SHANK2: variants seen among roughly 807,000 people sequenced by gnomAD.
SHANK2 encodes SH3 and multiple ankyrin repeat domains protein 2.
SHANK2 carries 43 observed loss-of-function variants against 133.7 expected under a neutral mutation model. The observed-to-expected ratio is 0.32, with a 90% CI of 0.25 to 0.41. The LOEUF is 0.41. Among genes scored for constraint, SHANK2 ranks in the 10% least tolerant of loss-of-function variants. SHANK2 has a pLI of 1.00. For missense variants in SHANK2, 1,994 were observed against 2,235.8 expected, an observed-to-expected ratio of 0.89 and a Z score of 2.18; for synonymous variants, 1,017 against 952.8, an observed-to-expected ratio of 1.07 and a Z score of -1.24.
At chr11:70,877,730 A>G (rs1226728195) in intron 11 of SHANK2, among the ~76,000 whole-genome samples, 1 of 152,186 alleles carries the variant, frequency 6.6e-6, no homozygotes, top group African/African-American at 2.4e-5. Flanking sequence ...CAGAGCAACA[A>G]GGAGTAAGAA....
rs375503151 is a variant in SHANK2 at position 70,726,848 on chromosome 11, C to T, written c.1778-28085G>A. The stretch of plus-strand genomic sequence containing the variant: ...CTCCAAAAGGCCTCATGTGCTTCTG[C>T]TCACCCCTGGAAGGCTGTACAGCTG... On this transcript the variant is annotated intron_variant, in intron 14 of 25. Coordinates refer to ENST00000601538, the MANE Select transcript of SHANK2 (RefSeq NM_012309.5). Among the ~76,000 whole-genome samples the T allele has an allele frequency of 1.4e-4, 22 of 152,350 alleles. No individual in the cohort carries two copies. In the East Asian group the frequency reaches 3.3e-3, roughly 23 times the overall value.
At chr11:70,788,058 G>A (rs1947708018) in intron 14 of SHANK2, among the ~76,000 whole-genome samples, 1 of 152,214 alleles carries the variant, frequency 6.6e-6, no homozygotes, top group Non-Finnish European at 1.5e-5. Flanking sequence ...AACGTTACAT[G>A]GCCTGCAGGA....
intron 17 of SHANK2, among the ~76,000 whole-genome samples, chr11:70,645,175 C>T (rs1565209252): frequency 6.6e-6 from 1 of 152,202 alleles, no homozygotes; most frequent in Non-Finnish European, 1.5e-5. Flanking sequence ...CACGCCACTG[C>T]ACTCCAGCCT....
intron 10 of SHANK2, among the ~76,000 whole-genome samples, chr11:70,933,833 T>C (rs1461382286): frequency 1.3e-5 from 2 of 150,112 alleles, no homozygotes; most frequent in Admixed American, 6.6e-5. Context: ...GGCAGGAGAA[T>C]TGGTTGCAGT....
At chr11:71,237,231 G>A (rs1459478997) in intron 1 of SHANK2, among the ~76,000 whole-genome samples, 3 of 152,226 alleles carry the variant, frequency 2.0e-5, no homozygotes, top group Non-Finnish European at 4.4e-5. Flanking sequence ...ACTGAGTCCA[G>A]GGACTGAGCC....
chr11:71,117,713 G>A (rs1443681997), intron 4 of SHANK2, among the ~76,000 whole-genome samples: 1 of 152,174 alleles, frequency 6.6e-6, no homozygotes, highest in Non-Finnish European at 1.5e-5. Flanking sequence ...GGTGGTGCAC[G>A]CCCAACTCCA....
At chr11:70,687,590 G>C (rs1274988460) in intron 15 of SHANK2, among the ~76,000 whole-genome samples, 3 of 151,926 alleles carry the variant, frequency 2.0e-5, no homozygotes, top group South Asian at 2.1e-4. Flanking sequence ...GGTACAGTGT[G>C]GGGGTAGGGG....
At chr11:70,764,108 ACC>A in intron 14 of SHANK2, among the ~76,000 whole-genome samples, 1 of 107,586 alleles carries the variant, frequency 9.3e-6, no homozygotes, top group Middle Eastern at 4.0e-3. Flanking sequence ...CCACCCACCC[ACC>A]CACCCACCCA....
At chr11:70,599,901 GAAAGAGAAAGAAAGAAAGAA>G (rs782312244) in intron 17 of SHANK2, among the ~76,000 whole-genome samples, 12 of 80,140 alleles carry the variant, frequency 1.5e-4, no homozygotes, top group African/African-American at 4.6e-4. Flanking sequence ...AAGAAAGAAA[GAAAGAGAAAGAAAGAAAGAA>G]AGAAAGAAAG....
intron 8 of SHANK2, among the ~76,000 whole-genome samples, chr11:71,090,653 GTGTGTGTC>G (rs1297142840): frequency 6.6e-6 from 1 of 151,656 alleles, no homozygotes; most frequent in Non-Finnish European, 1.5e-5. Context: ...GTGTGTGTGT[GTGTGTGTC>G]TGTGTACATA....
Position 70,479,687 on chromosome 11 carries a change from T to A in SHANK2, c.4979+5627A>T, listed in dbSNP as rs1429328790. On this transcript the variant is annotated intron_variant, in intron 25 of 25. Coordinates refer to ENST00000601538, the MANE Select transcript of SHANK2 (RefSeq NM_012309.5). The surrounding 1 kb of genome is among the most constrained non-coding windows in gnomAD (Gnocchi z 4.4). Reference sequence around the variant, plus strand: ...ATGGGGGACCCCCACAAGCACACACTCACTGCTCTGTTGCCCCCACATACA... The same window carrying A: ...ATGGGGGACCCCCACAAGCACACACACACTGCTCTGTTGCCCCCACATACA... Among the ~76,000 whole-genome samples the A allele has an allele frequency of 2.6e-5, 4 of 152,216 alleles. No individual in the cohort carries two copies. Among genetic ancestry groups the A allele is most frequent in the Non-Finnish European group, 5.9e-5 (4 of 68,032 alleles).
chr11:70,747,778 G>C (rs1946671251), intron 14 of SHANK2, among the ~76,000 whole-genome samples: 2 of 152,202 alleles, frequency 1.3e-5, no homozygotes, highest in South Asian at 4.1e-4. Flanking sequence ...TATGCCACAT[G>C]GTACATGTAT....
chr11:70,690,976 T>G (rs1481543899), intron 15 of SHANK2, among the ~76,000 whole-genome samples: 1 of 152,138 alleles, frequency 6.6e-6, no homozygotes, highest in Non-Finnish European at 1.5e-5. Flanking sequence ...TTTAAAAACT[T>G]TTTTTTCTGC....
chr11:70,638,822 C>T (rs1262077849), intron 17 of SHANK2, among the ~76,000 whole-genome samples: 2 of 151,890 alleles, frequency 1.3e-5, no homozygotes, highest in African/African-American at 4.8e-5. Context: ...CATGGTGAAA[C>T]CCCGTCTCTA....
chr11:71,226,904 A>C (rs903911883), intron 1 of SHANK2, among the ~76,000 whole-genome samples: 1 of 152,186 alleles, frequency 6.6e-6, no homozygotes, highest in Non-Finnish European at 1.5e-5. Context: ...TTGATGGTTG[A>C]AGCAAAAATT....
chr11:70,661,296 G>C (rs2061483939), intron 16 of SHANK2, among the ~76,000 whole-genome samples: 1 of 152,014 alleles, frequency 6.6e-6, no homozygotes, highest in African/African-American at 2.4e-5. Flanking sequence ...AAAAACAAAA[G>C]GTAGGAGGGG....
chr11:71,250,145 G>A (rs1948155698), intron 1 of SHANK2, among the ~76,000 whole-genome samples: 1 of 151,898 alleles, frequency 6.6e-6, no homozygotes, highest in African/African-American at 2.4e-5. Context: ...AATCTAATTT[G>A]TTAAAAGCAG....
intron 10 of SHANK2, among the ~76,000 whole-genome samples, chr11:70,946,325 A>AGGCTCAACCTCCCTCTCCACTAACCAACC (rs1565421910): frequency 1.3e-5 from 1 of 78,718 alleles, no homozygotes; most frequent in Non-Finnish European, 2.4e-5. Context: ...ACTAACCAAC[A>AGGCTCAACCTCCCTCTCCACTAACCAACC]CTTCCCAGGA....
chr11:70,697,906 A>G (rs545564235), intron 15 of SHANK2, among the ~76,000 whole-genome samples: 2 of 152,172 alleles, frequency 1.3e-5, no homozygotes, highest in East Asian at 3.9e-4. Flanking sequence ...TTTCTACCTC[A>G]CACACTGGCC....
Sources: allele counts gnomAD v4.1 joint callset (sites outside exome capture counted in the v4.1 genomes callset), GRCh38; gene constraint gnomAD v4.1.1; non-coding constraint Gnocchi (gnomAD v3.1); transcripts MANE v1.5; gene names NCBI Gene and HGNC (gene_info 2026-07-23, HGNC 2026-07-21).